ANO7: variants seen among roughly 807,000 people sequenced by gnomAD.
ANO7 encodes the protein anoctamin-7.
Under a neutral mutation model 115.8 loss-of-function variants are expected in ANO7, and 114 were observed. That is an observed-to-expected ratio of 0.98 (90% CI 0.85 to 1.15). The LOEUF (loss-of-function observed/expected upper bound fraction) is 1.15. ANO7 is among the 50% of genes most tolerant of loss of function. The pLI is 0.00. For missense variants in ANO7, 1,302 were observed against 1,201.2 expected (o/e 1.08, Z -1.24); for synonymous variants, 550 against 498.2 (o/e 1.10, Z -1.38).
chr2:241,213,988 C>T (rs531317641), intron 17 of ANO7, among the ~76,000 whole-genome samples: 21 of 152,248 alleles, frequency 1.4e-4, no homozygotes, highest in African/African-American at 5.1e-4. Flanking sequence ...CTGGCTTAAA[C>T]GAAAAAGGGA....
At chr2:241,230,013 T>A (rs915911832), downstream of ANO7, 3 of 1,566,440 alleles carry the variant, frequency 1.9e-6, no homozygotes. This position sits in a 1 kb window ranked among gnomAD's most constrained non-coding sequence, Gnocchi z 5.0. Flanking sequence ...ACCCCCAGCA[T>A]CCCGCCCGCC....
At chr2:241,232,612 G>A in the ANO7 span, among the ~76,000 whole-genome samples, 1 of 152,232 alleles carries the variant, frequency 6.6e-6, no homozygotes, top group African/African-American at 2.4e-5. Context: ...ATATAGAATA[G>A]TAGAGGGAAA....
chr2:241,209,911 C>T (rs762474051), intron 13 of ANO7, among the ~76,000 whole-genome samples: 2 of 152,110 alleles, frequency 1.3e-5, no homozygotes, highest in African/African-American at 2.4e-5. Context: ...AAAAGAGAGG[C>T]GGGCACCCCA....
the ANO7 span, chr2:241,238,150 A>C: frequency 0.27 from 40,732 of 152,428 alleles, 6,153 homozygotes; most frequent in East Asian, 0.64. This position sits in a 1 kb window ranked among gnomAD's most constrained non-coding sequence, Gnocchi z 4.9. Flanking sequence ...CCCCACCACC[A>C]GGTGCATGAG....
Position 241,209,285 on chromosome 2 carries a change from G to T in ANO7, c.1078G>T (p.Ala360Ser). 5.8e-6 allele frequency: 9 copies of T among 1,551,614 alleles called. No individual in the cohort carries two copies. The highest frequency in any genetic ancestry group is 7.8e-6 in the Non-Finnish European group (9 of 1,148,496). Residue 360 changes from alanine to serine, a missense_variant and splice_region_variant, in exon 12 of 25, where the codon GCC (alanine) becomes TCC (serine). Coordinates refer to ENST00000674324, the MANE Select transcript of ANO7 (RefSeq NM_001370694.2). ...TGGACGCCCCCGCTCCCTGCCACAG[G>T]CCGGCCGGCTGTTCGACCACGGCGG... ...LLSSACALAQ[A>S]GRLFDHGGTV... is the part of the protein sequence containing the mutation.
Position 241,191,194 on chromosome 2 carries a change from C to G in ANO7, c.109C>G (p.Pro37Ala). The part of the protein sequence containing the change: ...SYGSTAHASE[P>A]GGQQAAACRA... ...CTTCTCCATCCTCCATGCCTTCCAG[C>G]CAGGTGGACAGCAAGCGGCCGCCTG... The change falls in exon 3 of 25, where the codon CCA becomes GCA. Residue 37 changes from proline (P) to alanine (A), a missense_variant and splice_region_variant. Transcript: ENST00000674324. The G allele has an allele frequency of 6.2e-7, 1 of 1,613,942 alleles. No homozygotes were observed. Among genetic ancestry groups the G allele is most frequent in the Non-Finnish European group, 8.5e-7 (1 of 1,179,976 alleles).
rs559853693 is a variant in ANO7 at position 241,212,964 on chromosome 2, C to T, written c.1728+338C>T. On this transcript the variant is annotated intron_variant, in intron 17 of 24. Coordinates refer to ENST00000674324, the MANE Select transcript of ANO7 (RefSeq NM_001370694.2). ...CTTGGACAACATAGTGAGTCCTCAT[C>T]GCCACAAAAATTAATAAAAAAGCAA... is the stretch of plus-strand genomic sequence containing the variant. 5.2e-5 allele frequency: 14 copies of T among 269,456 alleles called. No individual in the cohort carries two copies. The East Asian group carries it at 6.6e-4, about 13-fold the overall frequency. 16.7% of individuals were successfully genotyped at this position (269,456 alleles called of 1,614,324 possible).
the ANO7 span, chr2:241,240,063 G>A: frequency 4.0e-5 from 64 of 1,614,096 alleles, no homozygotes; most frequent in Non-Finnish European, 5.0e-5. This position sits in a 1 kb window ranked among gnomAD's most constrained non-coding sequence, Gnocchi z 5.5. Context: ...CCCCCTTGCC[G>A]ATGAGGAATT....
intron 21 of ANO7, 109 bp from the exon 22 acceptor site, chr2:241,223,077 G>A: frequency 1.0e-6 from 1 of 971,414 alleles, no homozygotes; most frequent in Non-Finnish European, 1.6e-6. Context: ...AGGAACATGG[G>A]ATGAGAGAGC....
intron 3 of ANO7, among the ~76,000 whole-genome samples, chr2:241,195,180 C>A (rs1011437981): frequency 6.6e-6 from 1 of 152,168 alleles, no homozygotes; most frequent in Non-Finnish European, 1.5e-5. Flanking sequence ...GGCTCTATTG[C>A]CCTCCCTGTC....
At position 241,225,802 on chromosome 2, in the gene ANO7, G is replaced by A. The variant is rs904336284; in HGVS notation, c.*1649G>A. On this transcript the variant is annotated 3_prime_UTR_variant, in exon 25 of 25. Coordinates refer to ENST00000674324, the MANE Select transcript of ANO7 (RefSeq NM_001370694.2). Reference sequence around the variant, plus strand: ...CAGCGCCCTGGGGCTGGACACCACCGGCCGGAGCATGGCGGACAGCACACA... The same window carrying A: ...CAGCGCCCTGGGGCTGGACACCACCAGCCGGAGCATGGCGGACAGCACACA... 8.6e-5 allele frequency among the ~76,000 whole-genome samples: 13 copies of A among 152,030 alleles called. 1 individual carries two copies. The highest frequency in any genetic ancestry group is 6.5e-4 in the Admixed American group (10 of 15,290).
At chr2:241,239,853 A>ACC in the ANO7 span, 10 of 1,611,396 alleles carry the variant, frequency 6.2e-6, no homozygotes, top group Non-Finnish European at 8.5e-6. This position sits in a 1 kb window ranked among gnomAD's most constrained non-coding sequence, Gnocchi z 4.6. Flanking sequence ...AAGATAAGCC[A>ACC]CCCCATCACG....
chr2:241,239,546 T>G, the ANO7 span: 10 of 1,440,382 alleles, frequency 6.9e-6, no homozygotes, highest in South Asian at 1.2e-4. This position sits in a 1 kb window ranked among gnomAD's most constrained non-coding sequence, Gnocchi z 4.6. Flanking sequence ...CATACACGGC[T>G]TCGGTGAGTG....
downstream of ANO7, chr2:241,229,600 A>G (rs2069467272): frequency 1.9e-6 from 3 of 1,611,584 alleles, no homozygotes; most frequent in African/African-American, 1.3e-5. Flanking sequence ...CTTTTTGATC[A>G]TTATCGTTTG....
At chr2:241,204,265 T>C (rs1362767030) in intron 9 of ANO7, among the ~76,000 whole-genome samples, 1 of 152,086 alleles carries the variant, frequency 6.6e-6, no homozygotes, top group Non-Finnish European at 1.5e-5. Context: ...CAGGCAGACT[T>C]GCGTTTCACA....
chr2:241,234,086 G>A, the ANO7 span: 23 of 1,118,904 alleles, frequency 2.1e-5, no homozygotes, highest in Non-Finnish European at 2.6e-6. Flanking sequence ...CCGTGGTCCG[G>A]AATGGTCCGC....
At chr2:241,235,148 C>T in the ANO7 span, 13 of 1,613,938 alleles carry the variant, frequency 8.1e-6, no homozygotes, top group South Asian at 1.4e-4. Flanking sequence ...CCTGTAGCTC[C>T]TTCACACGCT....
At chr2:241,220,086 G>A (rs2068973453) in intron 21 of ANO7, among the ~76,000 whole-genome samples, 2 of 152,100 alleles carry the variant, frequency 1.3e-5, no homozygotes, top group African/African-American at 4.8e-5. Flanking sequence ...ATTTATTTGT[G>A]TATTTTGTTA....
intron 4 of ANO7, among the ~76,000 whole-genome samples, chr2:241,198,058 T>C (rs2068385557): frequency 6.6e-6 from 1 of 152,250 alleles, no homozygotes; most frequent in Non-Finnish European, 1.5e-5. Context: ...CCTGGCTGGC[T>C]GTCCTGGTCA....
Sources: allele counts gnomAD v4.1 joint callset (sites outside exome capture counted in the v4.1 genomes callset), GRCh38; gene constraint gnomAD v4.1.1; non-coding constraint Gnocchi (gnomAD v3.1); transcripts MANE v1.5; gene names NCBI Gene and HGNC (gene_info 2026-07-23, HGNC 2026-07-21).